ATXN8OS: variants seen among roughly 807,000 people sequenced by gnomAD.
The protein encoded by ATXN8OS is ATXN8 opposite strand lncRNA.
At chr13:70,108,005 C>A in exon 1 of ATXN8OS, 1 of 444,754 alleles carries the variant, frequency 2.2e-6, no homozygotes. Context: ...CGCGAGAGCC[C>A]CGTGTTATGG....
At chr13:70,111,131 A>G (rs80320860) in intron 1 of ATXN8OS, among the ~76,000 whole-genome samples, 3,601 of 152,296 alleles carry the variant, frequency 0.024, 101 homozygotes, top group African/African-American at 0.066. Context: ...ATGCTCAAGT[A>G]TTTACTGTAA....
At chr13:70,161,643 T>C (rs1889009811) in intron 4 of ATXN8OS, among the ~76,000 whole-genome samples, 1 of 150,860 alleles carries the variant, frequency 6.6e-6, no homozygotes, top group Non-Finnish European at 1.5e-5. Flanking sequence ...AATTATTTGA[T>C]TATTTTCTGT....
chr13:70,135,642 TC>T (rs35366913), intron 3 of ATXN8OS, among the ~76,000 whole-genome samples: 27,700 of 152,068 alleles, frequency 0.18, 3,223 homozygotes, highest in South Asian at 0.38. Context: ...TTTCTTACAT[TC>T]CTTTCCCTTA....
At chr13:70,155,876 T>G (rs1247063900) in intron 4 of ATXN8OS, among the ~76,000 whole-genome samples, 1 of 152,118 alleles carries the variant, frequency 6.6e-6, no homozygotes, top group Non-Finnish European at 1.5e-5. Flanking sequence ...AAAAGTATGT[T>G]TTATTTCTTG....
At chr13:70,137,403 G>A (rs1471836423) in intron 3 of ATXN8OS, among the ~76,000 whole-genome samples, 1 of 152,044 alleles carries the variant, frequency 6.6e-6, no homozygotes, top group Non-Finnish European at 1.5e-5. Context: ...TCTATGCCAT[G>A]GTGATATTTG....
intron 3 of ATXN8OS, among the ~76,000 whole-genome samples, chr13:70,146,997 C>G (rs1888795574): frequency 6.6e-6 from 1 of 152,062 alleles, no homozygotes; most frequent in Admixed American, 6.6e-5. Flanking sequence ...ACAGTATTTT[C>G]AATGATTTTT....
At chr13:70,120,799 T>A (rs561416692) in intron 2 of ATXN8OS, among the ~76,000 whole-genome samples, 44 of 152,132 alleles carry the variant, frequency 2.9e-4, no homozygotes, top group African/African-American at 1.0e-3. Context: ...GAAACCATCA[T>A]TCTCAGCAAA....
Position 70,139,377 on chromosome 13 carries a change from ACTACTACTGCTGCTGCTG to A in ATXN8OS, n.500-7975_500-7958del, listed in dbSNP as rs1186729821. 0.011 allele frequency: 7,014 copies of A among 645,424 alleles called. 415 individuals are homozygous for A. The African/African-American group carries it at 0.14, about 13-fold the overall frequency. 40.0% of individuals were successfully genotyped at this position (645,424 alleles called of 1,614,324 possible). A position where few individuals can be genotyped will look rare whatever the true frequency, so the allele number is the denominator to read the frequency against. On this transcript the variant is annotated intron_variant and non_coding_transcript_variant, in intron 3 of 4. Transcript: ENST00000678624. The stretch of plus-strand genomic sequence containing the variant: ...TACTACTACTACTACTACTACTACT[ACTACTACTGCTGCTGCTG>A]CTGCTGCTGCTGCTGCTGCTGCTGC...
chr13:70,123,442 G>A (rs576731530), intron 2 of ATXN8OS, among the ~76,000 whole-genome samples: 4 of 152,164 alleles, frequency 2.6e-5, no homozygotes, highest in African/African-American at 9.6e-5. Flanking sequence ...TACTATTGAA[G>A]GTATTACCTA....
At chr13:70,157,874 A>G (rs116750421) in intron 4 of ATXN8OS, among the ~76,000 whole-genome samples, 171 of 152,328 alleles carry the variant, frequency 1.1e-3, no homozygotes, top group African/African-American at 3.9e-3. Context: ...TTTTCACTAA[A>G]TTAATAAAAT....
chr13:70,139,380 A>ACTACTGCTG (rs1308328280), intron 3 of ATXN8OS: 6 of 576,732 alleles, frequency 1.0e-5, no homozygotes, highest in African/African-American at 5.3e-5. Context: ...TACTACTACT[A>ACTACTGCTG]CTACTGCTGC....
intron 1 of ATXN8OS, among the ~76,000 whole-genome samples, chr13:70,112,930 T>G (rs1205588095): frequency 2.1e-5 from 3 of 140,154 alleles, no homozygotes; most frequent in African/African-American, 7.8e-5. Flanking sequence ...ATTTTTTTTT[T>G]TTTTTTTTTT....
chr13:70,128,780 T>G (rs1888482014), intron 2 of ATXN8OS, among the ~76,000 whole-genome samples: 1 of 152,098 alleles, frequency 6.6e-6, no homozygotes, highest in South Asian at 2.1e-4. Context: ...TATATCTCTT[T>G]AAGGTATCTT....
rs1407323151 is a variant in ATXN8OS, at chr13:70,143,940, TG to T, written n.500-3414del. On this transcript the variant is annotated intron_variant and non_coding_transcript_variant, in intron 3 of 4. Coordinates refer to ENST00000678624, the Ensembl canonical transcript of ATXN8OS. ...AAAATAAATTCTTATTTACGAATTT[TG>T]TTTTTATGTATAGCCAAAGCGGTAT... Among the ~76,000 whole-genome samples the T allele has an allele frequency of 6.6e-5, 10 of 152,252 alleles. No individual in the cohort carries two copies. The East Asian group carries it at 1.9e-3, about 29-fold the overall frequency.
chr13:70,133,659 A>T (rs902330648), intron 3 of ATXN8OS, among the ~76,000 whole-genome samples: 4 of 152,166 alleles, frequency 2.6e-5, no homozygotes, highest in Non-Finnish European at 4.4e-5. Flanking sequence ...ACACAGAAAA[A>T]AGGCTTGAAA....
chr13:70,141,382 T>C (rs544293662), intron 3 of ATXN8OS, among the ~76,000 whole-genome samples: 7 of 152,340 alleles, frequency 4.6e-5, no homozygotes, highest in African/African-American at 1.2e-4. Context: ...TCTTACCATA[T>C]ATTTTTTGTT....
rs1283712486 is a variant in ATXN8OS, at chr13:70,167,796, C to T, written n.574-1957C>T. On this transcript the variant is annotated intron_variant and non_coding_transcript_variant, in intron 4 of 4. Coordinates refer to ENST00000678624, the Ensembl canonical transcript of ATXN8OS. ...TGTTGCCCAGGCTGGAGTGCAGTGG[C>T]GCGATCTCGGCTCACTGCAAGCTCC... 5.8e-5 allele frequency among the ~76,000 whole-genome samples: 7 copies of T among 120,754 alleles called. No individual in the cohort carries two copies. The South Asian group carries it at 1.1e-3, about 19-fold the overall frequency. The allele number at this position is 120,754 out of a possible 152,430, so 79.2% of individuals were successfully genotyped here.
At chr13:70,156,229 G>T (rs1888934306) in intron 4 of ATXN8OS, among the ~76,000 whole-genome samples, 1 of 140,178 alleles carries the variant, frequency 7.1e-6, no homozygotes, top group African/African-American at 2.5e-5. Flanking sequence ...GCACAGGTGG[G>T]TATGGGTGGG....
chr13:70,133,605 C>A (rs1173527323), intron 3 of ATXN8OS, among the ~76,000 whole-genome samples: 1 of 151,938 alleles, frequency 6.6e-6, no homozygotes, highest in African/African-American at 2.4e-5. Flanking sequence ...GTGGTAGGTC[C>A]CAATTCCATA....
Sources: gnomAD v4.1 joint callset for allele counts (sites outside exome capture counted in the v4.1 genomes callset) on GRCh38, gnomAD v4.1.1 for gene constraint, MANE v1.5 for transcripts, NCBI Gene and HGNC (gene_info 2026-07-23, HGNC 2026-07-21) for gene names.